CLSTN2: variants seen among roughly 807,000 people sequenced by gnomAD.
The protein encoded by CLSTN2 is calsyntenin 2, also known as calsyntenin-2.
Under a neutral mutation model 101.2 loss-of-function variants are expected in CLSTN2, and 48 were observed. That is an observed-to-expected ratio of 0.47 (90% CI 0.38 to 0.60). CLSTN2 has a LOEUF of 0.60. CLSTN2 is among the 20% of genes least tolerant of loss of function. The pLI is 0.00. For synonymous variants in CLSTN2, 481 were observed against 463.6 expected (o/e 1.04, Z -0.48); for missense variants, 1,160 against 1,238.2 (o/e 0.94, Z 0.95).
At position 140,171,285 on chromosome 3, in the gene CLSTN2, T is replaced by C. The variant is rs771954776; in HGVS notation, c.110-4666T>C. On this transcript the variant is annotated intron_variant, in intron 1 of 16. Coordinates refer to ENST00000458420, the MANE Select transcript of CLSTN2 (RefSeq NM_022131.3). Reference sequence around the variant, plus strand: ...TCACACCTGCAGTGGCCAGAGCTTCTCTCTGCCCTGGGCATGGTCCAATCT... The same window carrying C: ...TCACACCTGCAGTGGCCAGAGCTTCCCTCTGCCCTGGGCATGGTCCAATCT... Among the ~76,000 whole-genome samples the C allele has an allele frequency of 4.6e-5, 7 of 152,052 alleles. No homozygotes were observed. The South Asian group carries it at 1.2e-3, about 27-fold the overall frequency.
chr3:140,455,216 G>A (rs548065779), intron 6 of CLSTN2, among the ~76,000 whole-genome samples: 76 of 152,220 alleles, frequency 5.0e-4, no homozygotes, highest in African/African-American at 1.4e-3. Context: ...GATTATACTG[G>A]ATCCTCTCCC....
intron 4 of CLSTN2, among the ~76,000 whole-genome samples, chr3:140,409,283 C>G (rs567836688): frequency 1.2e-4 from 18 of 152,328 alleles, no homozygotes; most frequent in African/African-American, 3.1e-4. Context: ...GCCCTGACTC[C>G]CCCTGCTGCC....
chr3:140,394,197 A>T (rs112007411), intron 2 of CLSTN2, among the ~76,000 whole-genome samples: 14 of 127,756 alleles, frequency 1.1e-4, no homozygotes, highest in African/African-American at 3.7e-4. Flanking sequence ...AGAAAGTTCT[A>T]TTCTGATTGT....
At chr3:140,287,862 A>G (rs2086910033) in intron 2 of CLSTN2, among the ~76,000 whole-genome samples, 1 of 152,158 alleles carries the variant, frequency 6.6e-6, no homozygotes, top group South Asian at 2.1e-4. Context: ...TGTGTCTCTC[A>G]AAAATCAATG....
chr3:140,388,510 C>G (rs1237366867), intron 2 of CLSTN2, among the ~76,000 whole-genome samples: 3 of 152,212 alleles, frequency 2.0e-5, no homozygotes, highest in Non-Finnish European at 4.4e-5. Context: ...AGCTTCTACT[C>G]TCCCTTTAGA....
chr3:140,312,645 A>T (rs1267126034), intron 2 of CLSTN2, among the ~76,000 whole-genome samples: 1 of 152,190 alleles, frequency 6.6e-6, no homozygotes, highest in Non-Finnish European at 1.5e-5. Flanking sequence ...TGTTGTTAGC[A>T]TTGTCAGGAG....
intron 1 of CLSTN2, among the ~76,000 whole-genome samples, chr3:140,171,831 A>AATAT (rs2010238240): frequency 2.7e-5 from 2 of 74,608 alleles, no homozygotes; most frequent in Non-Finnish European, 5.7e-5. Context: ...TATATATAAT[A>AATAT]ACAATATATA....
chr3:139,961,821 T>A (rs537274827), intron 1 of CLSTN2, among the ~76,000 whole-genome samples: 2 of 152,190 alleles, frequency 1.3e-5, no homozygotes, highest in Non-Finnish European at 2.9e-5. Flanking sequence ...ATAACCCCCA[T>A]TACTCAGAGA....
In CLSTN2 at chr3:139,935,839, AGCAGGTGTCT is replaced by A. The variant is rs1244166034; in HGVS notation, c.109+359_109+368del. Among the ~76,000 whole-genome samples, 2 of 152,046 alleles carry A rather than the reference AGCAGGTGTCT, an allele frequency of 1.3e-5. No homozygotes were observed. Among genetic ancestry groups the A allele is most frequent in the Non-Finnish European group, 2.9e-5 (2 of 67,982 alleles). On this transcript the variant is annotated intron_variant, in intron 1 of 16. Coordinates refer to ENST00000458420, the MANE Select transcript of CLSTN2 (RefSeq NM_022131.3). The surrounding 1 kb of genome is among the most constrained non-coding windows in gnomAD (Gnocchi z 5.5). ...AGGGCGCTGGCGCGCCGTGGGGACA[AGCAGGTGTCT>A]GCTCCTGCCTGGGGGAAGGATCAGC...
At position 140,428,889 on chromosome 3, in the gene CLSTN2, C is replaced by T. The variant is rs989160680; in HGVS notation, c.787+7615C>T. ...AAGGGTGGCAGCTTTTGGAGAAGCG[C>T]TTCTCAAACTCAAACATGCACATCA... is the stretch of plus-strand genomic sequence containing the variant. On this transcript the variant is annotated intron_variant, in intron 5 of 16. Coordinates refer to ENST00000458420, the MANE Select transcript of CLSTN2 (RefSeq NM_022131.3). Among the ~76,000 whole-genome samples, 12 of 152,268 alleles carry T rather than the reference C, an allele frequency of 7.9e-5. No individual in the cohort carries two copies. In the South Asian group the frequency reaches 2.5e-3, roughly 32 times the overall value.
intron 8 of CLSTN2, among the ~76,000 whole-genome samples, chr3:140,521,135 T>TATCAGTCCAGACTTCTATCA (rs1157614362): frequency 9.9e-5 from 15 of 151,708 alleles, no homozygotes; most frequent in Admixed American, 2.6e-4. Flanking sequence ...TGCCTACTTC[T>TATCAGTCCAGACTTCTATCA]ATCAGTCCAG....
intron 1 of CLSTN2, among the ~76,000 whole-genome samples, chr3:140,124,716 G>A (rs565424451): frequency 8.0e-4 from 122 of 152,268 alleles, no homozygotes; most frequent in African/African-American, 2.7e-3. Flanking sequence ...AGGTGGAGAT[G>A]TCAGTTTGGC....
chr3:140,429,743 C>T (rs1476561219), intron 5 of CLSTN2, among the ~76,000 whole-genome samples: 2 of 152,136 alleles, frequency 1.3e-5, no homozygotes, highest in African/African-American at 4.8e-5. Context: ...TCAAGTAGAG[C>T]ACTCCCCCAA....
In CLSTN2 at chr3:140,563,143, C is replaced by A; in HGVS notation, c.2422C>A (p.Pro808Thr). The change falls in exon 15 of 17, where the codon CCT becomes ACT. Residue 808 changes from proline to threonine, a missense_variant. Physicochemically the swap from Pro to Thr is conservative, Grantham distance 38 (BLOSUM62 -1). Coordinates refer to ENST00000458420, the MANE Select transcript of CLSTN2 (RefSeq NM_022131.3). The stretch of plus-strand genomic sequence containing the variant: ...GCATGTCAATCATCTGATTGTGCAG[C>A]CTCCCTTCCTCCAGTCTGTCCATCA... ...KEHVNHLIVQ[P>T]PFLQSVHHPE... The A allele has an allele frequency of 6.2e-7, 1 of 1,613,950 alleles. No individual in the cohort carries two copies. Among genetic ancestry groups the A allele is most frequent in the Non-Finnish European group, 8.5e-7 (1 of 1,179,948 alleles).
intron 1 of CLSTN2, among the ~76,000 whole-genome samples, chr3:140,100,766 G>A (rs1420892511): frequency 6.6e-6 from 1 of 152,230 alleles, no homozygotes; most frequent in Non-Finnish European, 1.5e-5. Flanking sequence ...CACGCCGGGA[G>A]ACGCATCATC....
At chr3:140,140,118 G>A (rs1042807645) in intron 1 of CLSTN2, among the ~76,000 whole-genome samples, 3 of 152,198 alleles carry the variant, frequency 2.0e-5, no homozygotes, top group African/African-American at 7.2e-5. Flanking sequence ...TGCATTTGTA[G>A]CAAGTTTCCA....
intron 2 of CLSTN2, among the ~76,000 whole-genome samples, chr3:140,402,581 G>T (rs548166834): frequency 1.3e-5 from 2 of 152,258 alleles, no homozygotes; most frequent in Admixed American, 1.3e-4. Context: ...GCAGGACCTG[G>T]ACTAGGGTGA....
chr3:140,075,714 G>A (rs539821645), intron 1 of CLSTN2, among the ~76,000 whole-genome samples: 2 of 152,254 alleles, frequency 1.3e-5, no homozygotes, highest in South Asian at 2.1e-4. Flanking sequence ...CAGAAGGAAC[G>A]TGGTCCAGTC....
intron 8 of CLSTN2, among the ~76,000 whole-genome samples, chr3:140,518,607 G>C (rs1395495423): frequency 2.0e-5 from 3 of 152,172 alleles, no homozygotes; most frequent in Non-Finnish European, 2.9e-5. Context: ...AAATCCAGGG[G>C]CAGATGATTC....
Sources: allele counts gnomAD v4.1 joint callset (sites outside exome capture counted in the v4.1 genomes callset), GRCh38; gene constraint gnomAD v4.1.1; non-coding constraint Gnocchi (gnomAD v3.1); transcripts MANE v1.5; gene names NCBI Gene and HGNC (gene_info 2026-07-23, HGNC 2026-07-21).